The following COL6A3 variants were observed in gnomAD, a reference collection of about 807,000 sequenced individuals.
The protein encoded by COL6A3 is collagen alpha-3(VI) chain.
A neutral mutation model predicts 274.1 loss-of-function variants in COL6A3; 137 were observed. The observed-to-expected ratio is 0.50, with a 90% CI of 0.44 to 0.58. The LOEUF is 0.58. COL6A3 is among the 20% of genes least tolerant of loss of function. The probability of loss-of-function intolerance (pLI) is 0.00; values close to 1 mark genes in which losing one functional copy is unlikely to be tolerated. For synonymous variants in COL6A3, 1,650 were observed against 1,650.6 expected (o/e 1.00, Z 0.01); for missense variants, 3,950 against 4,124.9 (o/e 0.96, Z 1.16).
At position 237,352,589 on chromosome 2, in the gene COL6A3, G is replaced by A. The variant is rs373375855; in HGVS notation, c.6691-5C>T. 4 of 1,613,148 alleles carry A rather than the reference G, an allele frequency of 2.5e-6. No individual in the cohort carries two copies. In the African/African-American group the frequency reaches 4.0e-5, roughly 16 times the overall value. On this transcript the variant is annotated splice_polypyrimidine_tract_variant and splice_region_variant and intron_variant, in intron 25 of 43. Transcript: ENST00000295550. ...ACCAGCAGGACCAGCTGGGCCCTGA[G>A]GAAGGAAAAGACCATCGTGAGTGCT...
chr2:237,352,704 A>G (rs754799740), intron 25 of COL6A3, 120 bp from the exon 26 acceptor site: 265 of 849,950 alleles, frequency 3.1e-4, no homozygotes, highest in Non-Finnish European at 4.6e-4. Context: ...AAAAACGGCC[A>G]CCAAAACCCA....
intron 3 of COL6A3, 69 bp from the exon 4 acceptor site, chr2:237,388,253 T>C: frequency 1.9e-6 from 3 of 1,598,808 alleles, no homozygotes; most frequent in Middle Eastern, 3.7e-4. Context: ...TATTCAGTGT[T>C]CTGACATGTT....
In COL6A3 at chr2:237,387,801, C is replaced by T. The variant is rs778069171; in HGVS notation, c.1093G>A (p.Gly365Arg). Reference sequence around the variant, plus strand: ...CTAGCCTGCTTCAGTGCTACCACCCCGTAGCGAATCTCGTCACTAGAAGGC... The same window carrying T: ...CTAGCCTGCTTCAGTGCTACCACCCTGTAGCGAATCTCGTCACTAGAAGGC... Reference protein sequence around the residue: ...AGPSSDEIRYGVVALKQASVF... With the variant: ...AGPSSDEIRYRVVALKQASVF... Residue 365 changes from glycine to arginine, a missense_variant, in exon 4 of 44, where the codon GGG becomes AGG. Gly to Arg is a moderately radical substitution (Grantham distance 125, BLOSUM62 -2). Coordinates refer to ENST00000295550, the MANE Select transcript of COL6A3 (RefSeq NM_004369.4). 35 of 1,614,024 alleles carry T rather than the reference C, an allele frequency of 2.2e-5. 1 individual carries two copies. The Admixed American group carries it at 5.3e-4, about 25-fold the overall frequency.
At chr2:237,382,235 T>C (rs188856417) in intron 4 of COL6A3, among the ~76,000 whole-genome samples, 1 of 151,824 alleles carries the variant, frequency 6.6e-6, no homozygotes, top group Non-Finnish European at 1.5e-5. Flanking sequence ...ATACAAAAAT[T>C]AGCCGAGCGT....
At chr2:237,330,808 T>C (rs1700192250) in intron 42 of COL6A3, among the ~76,000 whole-genome samples, 1 of 152,188 alleles carries the variant, frequency 6.6e-6, no homozygotes, top group Non-Finnish European at 1.5e-5. Flanking sequence ...CGAAAACCAA[T>C]GGTAACACTG....
Position 237,361,249 on chromosome 2 carries a change from C to A in COL6A3, c.6157-75G>T. 1 of 1,381,738 alleles carries A rather than the reference C, an allele frequency of 7.2e-7. No individual in the cohort carries two copies. The highest frequency in any genetic ancestry group is 1.2e-5 in the South Asian group (1 of 85,542). 85.6% of individuals were successfully genotyped at this position (1,381,738 alleles called of 1,614,324 possible). A position where few individuals can be genotyped will look rare whatever the true frequency, so the allele number is the denominator to read the frequency against. On this transcript the variant is annotated intron_variant, in intron 15 of 43. Transcript: ENST00000295550. This position sits in a 1 kb window ranked among gnomAD's most constrained non-coding sequence, Gnocchi z 5.1. ...TCTACAGTAAGAATCCCTGTGGTCC[C>A]CCTTCATTTGGCAGAGCAGCACTAA...
Position 237,396,820 on chromosome 2 carries a change from T to C in COL6A3, c.-3A>G. On this transcript the variant is annotated 5_prime_UTR_variant, in exon 2 of 44. Coordinates refer to ENST00000295550, the MANE Select transcript of COL6A3 (RefSeq NM_004369.4). Reference sequence around the variant, plus strand: ...GGCAAGTGCCGATGTTTCCTCATTTTGAATTTGTCTAAGCACCAAATATGA... The same window carrying C: ...GGCAAGTGCCGATGTTTCCTCATTTCGAATTTGTCTAAGCACCAAATATGA... 1 of 1,614,042 alleles carries C rather than the reference T, an allele frequency of 6.2e-7. No individual in the cohort carries two copies. The highest frequency in any genetic ancestry group is 8.5e-7 in the Non-Finnish European group (1 of 1,179,872).
Position 237,359,790 on chromosome 2 carries a change from C to T in COL6A3, c.6282+298G>A, listed in dbSNP as rs537002547. 3.3e-4 allele frequency among the ~76,000 whole-genome samples: 50 copies of T among 152,320 alleles called. 1 individual carries two copies. The highest frequency in any genetic ancestry group is 1.1e-3 in the African/African-American group (45 of 41,582). Reference sequence around the variant, plus strand: ...CCTGACTGCTCCCACGGTCCAGGGCCGGGGCCGTGGGCACCAGCCTACCCT... The same window carrying T: ...CCTGACTGCTCCCACGGTCCAGGGCTGGGGCCGTGGGCACCAGCCTACCCT... On this transcript the variant is annotated intron_variant, in intron 17 of 43. Coordinates refer to ENST00000295550, the MANE Select transcript of COL6A3 (RefSeq NM_004369.4).
At chr2:237,403,818 C>A (rs1270479413) in intron 1 of COL6A3, among the ~76,000 whole-genome samples, 1 of 151,556 alleles carries the variant, frequency 6.6e-6, no homozygotes, top group African/African-American at 2.4e-5. Context: ...GTTGACCCTA[C>A]CCCCACCGTG....
chr2:237,341,095 C>T lies in COL6A3; in HGVS notation c.7821G>A (p.Arg2607=). Residue 2607 remains arginine, a synonymous_variant, in exon 38 of 44, where the codon AGG becomes AGA. Coordinates refer to ENST00000295550, the MANE Select transcript of COL6A3 (RefSeq NM_004369.4). The part of the protein sequence containing the change: ...CGFGSWRPSF[R]DRRAAGSDVD... ...CATCGCTCCCTGCCGCTCTCCTGTC[C>T]CTGAAGGAAGGCCTCCAACTGCCAA... The T allele has an allele frequency of 6.2e-7, 1 of 1,614,156 alleles. No individual in the cohort carries two copies. The highest frequency in any genetic ancestry group is 1.6e-4 in the Middle Eastern group (1 of 6,062).
At chr2:237,367,425 G>T in intron 10 of COL6A3, 139 bp from the exon 11 acceptor site, 1 of 997,460 alleles carries the variant, frequency 1.0e-6, no homozygotes, top group Non-Finnish European at 1.4e-6. Flanking sequence ...TCAAATCCAT[G>T]CCTCTTTAGC....
intron 20 of COL6A3, 135 bp downstream of exon 20, chr2:237,358,900 T>A (rs2077375214): frequency 2.2e-6 from 2 of 904,408 alleles, no homozygotes; most frequent in Non-Finnish European, 3.7e-6. Flanking sequence ...ATGTAATGGG[T>A]GCACTCACAG....
At chr2:237,402,765 G>A (rs73998902) in intron 1 of COL6A3, among the ~76,000 whole-genome samples, 3,297 of 152,290 alleles carry the variant, frequency 0.022, 121 homozygotes, top group African/African-American at 0.074. Context: ...CTTCTGCCTT[G>A]ACTAGTATCC....
rs78398512 is a variant in COL6A3 at position 237,358,991 on chromosome 2, T to C, written c.6408+44A>G. On this transcript the variant is annotated intron_variant, in intron 20 of 43. Coordinates refer to ENST00000295550, the MANE Select transcript of COL6A3 (RefSeq NM_004369.4). Reference sequence around the variant, plus strand: ...AAATAACTATTCCCTAAATGAAATGTTGATATTCTTTCCATAATAGCACCA... The same window carrying C: ...AAATAACTATTCCCTAAATGAAATGCTGATATTCTTTCCATAATAGCACCA... The C allele has an allele frequency of 1.9e-3, 2,987 of 1,584,230 alleles. 39 individuals are homozygous for C. In the African/African-American group the frequency reaches 0.027, roughly 14 times the overall value.
intron 42 of COL6A3, 35 bp downstream of exon 42, chr2:237,333,415 G>C (rs1261313468): frequency 3.2e-6 from 5 of 1,577,066 alleles, no homozygotes; most frequent in Non-Finnish European, 4.4e-6. Context: ...TATTTTCTTA[G>C]TGCCATTAAT....
chr2:237,405,806 GA>G (rs1313007927), intron 1 of COL6A3, among the ~76,000 whole-genome samples: 1 of 152,014 alleles, frequency 6.6e-6, no homozygotes, highest in African/African-American at 2.4e-5. Flanking sequence ...GCCTTTTGGG[GA>G]AAAAATAGAC....
At position 237,371,524 on chromosome 2, in the gene COL6A3, G is replaced by T; in HGVS notation, c.4285+208C>A. On this transcript the variant is annotated intron_variant, in intron 9 of 43. Transcript: ENST00000295550. The surrounding 1 kb of genome is among the most constrained non-coding windows in gnomAD (Gnocchi z 4.3). ...GAAGTGGGAGGTTGGCTGGATCCCA[G>T]AAGGCAGAGGTTAAAATGAGTTATG... 1 of 1,143,228 alleles carries T rather than the reference G, an allele frequency of 8.7e-7. No individual in the cohort carries two copies. The highest frequency in any genetic ancestry group is 1.2e-6 in the Non-Finnish European group (1 of 861,648). The allele number at this position is 1,143,228 out of a possible 1,614,324, so 70.8% of individuals were successfully genotyped here.
chr2:237,333,290 A>T (rs1283538785), intron 42 of COL6A3, 160 bp downstream of exon 42: 1 of 706,386 alleles, frequency 1.4e-6, no homozygotes, highest in East Asian at 2.7e-5. Flanking sequence ...ACCTGGGATT[A>T]TGCAGAATAA....
intron 14 of COL6A3, 87 bp downstream of exon 14, chr2:237,363,166 C>G (rs1459563970): frequency 4.3e-6 from 6 of 1,392,490 alleles, no homozygotes; most frequent in African/African-American, 1.4e-5. Flanking sequence ...CTCCATTCAC[C>G]TGCTGATAAT....
Sources: allele counts gnomAD v4.1 joint callset (sites outside exome capture counted in the v4.1 genomes callset), GRCh38; gene constraint gnomAD v4.1.1; non-coding constraint Gnocchi (gnomAD v3.1); transcripts MANE v1.5; gene names NCBI Gene and HGNC (gene_info 2026-07-23, HGNC 2026-07-21).